Variants in MARCHF10 observed in about 807,000 individuals in gnomAD.
MARCHF10 encodes probable E3 ubiquitin-protein ligase MARCHF10.
MARCHF10 carries 64 observed loss-of-function variants against 76.2 expected under a neutral mutation model. The observed-to-expected ratio is 0.84, with a 90% CI of 0.69 to 1.03. The LOEUF (loss-of-function observed/expected upper bound fraction) is 1.03, where lower values mean the gene tolerates loss of function less well. Ranked by LOEUF, MARCHF10 falls within the 50% of genes least tolerant of loss-of-function variation. The probability of loss-of-function intolerance (pLI) is 0.00; values close to 1 mark genes in which losing one functional copy is unlikely to be tolerated. For missense variants in MARCHF10, 875 were observed against 958.0 expected (o/e 0.91, Z 1.14); for synonymous variants, 340 against 357.5 (o/e 0.95, Z 0.55).
chr17:62,743,421 G>A (rs1026028534), intron 5 of MARCHF10, among the ~76,000 whole-genome samples: 1 of 152,228 alleles, frequency 6.6e-6, no homozygotes, highest in Non-Finnish European at 1.5e-5. Flanking sequence ...GCCAAGGCAA[G>A]CAGATCACTT....
chr17:62,806,265 C>T (rs1348101234), intron 1 of MARCHF10, among the ~76,000 whole-genome samples: 1 of 152,196 alleles, frequency 6.6e-6, no homozygotes, highest in African/African-American at 2.4e-5. Context: ...TGAGATAATG[C>T]TTAATTCATG....
Position 62,759,891 on chromosome 17 carries a change from T to C in MARCHF10, c.326A>G (p.Lys109Arg), listed in dbSNP as rs753670520. Residue 109 changes from lysine to arginine, a missense_variant, in exon 4 of 11, where the codon AAA becomes AGA. Coordinates refer to ENST00000311269, the MANE Select transcript of MARCHF10 (RefSeq NM_152598.4). Reference protein sequence around the residue: ...IDQTSVKQKHKSTMTVRKAEK... With the variant: ...IDQTSVKQKHRSTMTVRKAEK... ...TGCTTTCCTTACAGTCATGGTACTT[T>C]TATGTTTCTGCTTGACTGATGTTTG... is the stretch of plus-strand genomic sequence containing the variant. The C allele has an allele frequency of 4.3e-6, 7 of 1,613,998 alleles. No homozygotes were observed. The Admixed American group carries it at 5.0e-5, about 12-fold the overall frequency.
intron 10 of MARCHF10, among the ~76,000 whole-genome samples, chr17:62,704,027 T>C (rs2089415295): frequency 6.6e-6 from 1 of 151,870 alleles, no homozygotes; most frequent in African/African-American, 2.4e-5. Context: ...GCGAGGCGTC[T>C]CCGGGGCGGG....
At chr17:62,717,220 T>C (rs1185138564) in intron 8 of MARCHF10, among the ~76,000 whole-genome samples, 1 of 152,168 alleles carries the variant, frequency 6.6e-6, no homozygotes, top group African/African-American at 2.4e-5. Context: ...CAGCAGGTCA[T>C]GGGGACAGTC....
chr17:62,746,923 A>T (rs1387513242), intron 4 of MARCHF10: 1 of 1,536,160 alleles, frequency 6.5e-7, no homozygotes, highest in African/African-American at 1.4e-5. Context: ...TGCACCAGCC[A>T]GAAGGTCCTC....
intron 10 of MARCHF10, chr17:62,704,948 T>C (rs2089484530): frequency 2.6e-6 from 1 of 379,230 alleles, no homozygotes; most frequent in Non-Finnish European, 3.5e-6. Flanking sequence ...CTCCAGTCGT[T>C]TTTTTTTTTT....
chr17:62,733,756 C>A (rs1019496593), intron 6 of MARCHF10, among the ~76,000 whole-genome samples: 1 of 152,136 alleles, frequency 6.6e-6, no homozygotes, highest in Non-Finnish European at 1.5e-5. Context: ...AAAGAATAAA[C>A]CAAAGCCAAA....
rs1181322977 is a variant in MARCHF10, at chr17:62,735,760, GTA to G, written c.1937+169_1937+170del. The G allele has an allele frequency of 1.2e-5, 7 of 607,502 alleles. No individual in the cohort carries two copies. The Admixed American group carries it at 2.1e-4, about 18-fold the overall frequency. 37.6% of individuals were successfully genotyped at this position (607,502 alleles called of 1,614,324 possible). A position where few individuals can be genotyped will look rare whatever the true frequency, so the allele number is the denominator to read the frequency against. On this transcript the variant is annotated intron_variant, in intron 6 of 10. Coordinates refer to ENST00000311269, the MANE Select transcript of MARCHF10 (RefSeq NM_152598.4). Reference sequence around the variant, plus strand: ...ACACCAGACTTTTCTTTATAAATACGTATATTTTAAGAGCAACAAAACAGAGA... The same window carrying G: ...ACACCAGACTTTTCTTTATAAATACGTATTTTAAGAGCAACAAAACAGAGA...
At chr17:62,718,690 C>T (rs1021168614) in intron 8 of MARCHF10, among the ~76,000 whole-genome samples, 20 of 152,172 alleles carry the variant, frequency 1.3e-4, no homozygotes, top group African/African-American at 3.9e-4. Flanking sequence ...TTCAGTATTT[C>T]GCCTCCCACA....
intron 3 of MARCHF10, among the ~76,000 whole-genome samples, chr17:62,765,318 C>T (rs762864223): frequency 2.8e-5 from 4 of 141,798 alleles, no homozygotes; most frequent in Non-Finnish European, 3.0e-5. Flanking sequence ...TGCCACTGCA[C>T]TCCAGCCTGG....
chr17:62,701,483 A>G lies in MARCHF10; in HGVS notation c.*220T>C. 1.8e-6 allele frequency: 2 copies of G among 1,082,516 alleles called. No homozygotes were observed. The highest frequency in any genetic ancestry group is 3.2e-5 in the South Asian group (2 of 61,838). 67.1% of individuals were successfully genotyped at this position (1,082,516 alleles called of 1,614,324 possible). On this transcript the variant is annotated 3_prime_UTR_variant, in exon 11 of 11. Coordinates refer to ENST00000311269, the MANE Select transcript of MARCHF10 (RefSeq NM_152598.4). ...AGCCTGCCAGGGGCTCCACAGTCCC[A>G]CGCTGCTTGACCTGTGCTGTCTGGG...
chr17:62,704,264 C>T (rs1376924637), intron 10 of MARCHF10, among the ~76,000 whole-genome samples: 2 of 151,844 alleles, frequency 1.3e-5, no homozygotes, highest in African/African-American at 4.8e-5. Context: ...GCGGCGTGCG[C>T]CCGCGACACA....
At chr17:62,706,230 A>G (rs2147550496) in intron 9 of MARCHF10, 1 of 152,414 alleles carries the variant, frequency 6.6e-6, no homozygotes, top group East Asian at 1.9e-4. Context: ...GCCAGTGTGG[A>G]GGCAGCTTTA....
At chr17:62,751,633 C>G (rs563072434) in intron 4 of MARCHF10, among the ~76,000 whole-genome samples, 2 of 152,252 alleles carry the variant, frequency 1.3e-5, no homozygotes, top group Admixed American at 1.3e-4. Flanking sequence ...GAAGAACCTC[C>G]CTGGTGATTT....
chr17:62,793,525 TCCATCA>T (rs2092921699), intron 2 of MARCHF10, among the ~76,000 whole-genome samples: 10 of 24,796 alleles, frequency 4.0e-4, no homozygotes, highest in Non-Finnish European at 6.3e-4. Flanking sequence ...CACCACCACC[TCCATCA>T]CCACCACCAC....
chr17:62,768,105 C>T (rs2092374841), intron 3 of MARCHF10, among the ~76,000 whole-genome samples: 1 of 152,228 alleles, frequency 6.6e-6, no homozygotes, highest in Non-Finnish European at 1.5e-5. Context: ...TGCCTGCTGA[C>T]CTGCACATCT....
chr17:62,791,987 G>A (rs563689469), intron 2 of MARCHF10, among the ~76,000 whole-genome samples: 15 of 152,120 alleles, frequency 9.9e-5, no homozygotes, highest in African/African-American at 2.2e-4. Context: ...GTCAGGATTC[G>A]GATGGCTATA....
intron 10 of MARCHF10, chr17:62,705,191 G>A: frequency 4.9e-6 from 6 of 1,224,808 alleles, no homozygotes; most frequent in African/African-American, 1.6e-5. Flanking sequence ...AGGAATCCTG[G>A]CAGTAAAAAA....
chr17:62,782,366 G>A (rs1211682769), intron 3 of MARCHF10, among the ~76,000 whole-genome samples: 1 of 22,154 alleles, frequency 4.5e-5, no homozygotes, highest in Non-Finnish European at 8.1e-5. Flanking sequence ...TTTTTTTTTT[G>A]AGATGGAGTC....
Sources: allele counts gnomAD v4.1 joint callset (sites outside exome capture counted in the v4.1 genomes callset), GRCh38; gene constraint gnomAD v4.1.1; transcripts MANE v1.5; gene names NCBI Gene and HGNC (gene_info 2026-07-23, HGNC 2026-07-21).